RFX1: variants seen among roughly 807,000 people sequenced by gnomAD.
RFX1 encodes the protein MHC class II regulatory factor RFX1.
In RFX1, 42 loss-of-function variants were observed where a neutral mutation model predicts 119.6. The ratio of observed to expected loss-of-function variants is 0.35; its 90% CI spans 0.27 to 0.45. RFX1 has a LOEUF of 0.45. Ranked by LOEUF, RFX1 falls within the 20% of genes least tolerant of loss-of-function variation. The pLI is 1.00. For synonymous variants in RFX1, 628 were observed against 618.5 expected (o/e 1.02, Z -0.23); for missense variants, 1,118 against 1,368.1 (o/e 0.82, Z 2.88).
rs1487679736 is a variant in RFX1, at chr19:13,961,835, C to A, written c.*860G>T. ...TAAGGCCATGATGGTTGGAAAAAAA[C>A]CCAACAAGTTACCAACTCCGCTCGG... is the stretch of plus-strand genomic sequence containing the variant. On this transcript the variant is annotated 3_prime_UTR_variant, in exon 21 of 21. Coordinates refer to ENST00000254325, the MANE Select transcript of RFX1 (RefSeq NM_002918.5). 3 of 152,306 alleles carry A rather than the reference C, an allele frequency of 2.0e-5. No individual in the cohort carries two copies. The highest frequency in any genetic ancestry group is 4.4e-5 in the Non-Finnish European group (3 of 68,054). 9.4% of individuals were successfully genotyped at this position (152,306 alleles called of 1,614,324 possible).
intron 1 of RFX1, 60 bp from the exon 2 acceptor site, chr19:13,993,955 A>G: frequency 1.1e-6 from 1 of 952,290 alleles, no homozygotes; most frequent in Non-Finnish European, 1.6e-6. Flanking sequence ...AGAAGGAAAA[A>G]CAGGAATTAA....
intron 5 of RFX1, 106 bp downstream of exon 5, chr19:13,982,015 A>C: frequency 2.3e-6 from 1 of 439,838 alleles, no homozygotes; most frequent in African/African-American, 2.0e-5. Context: ...TGGAGGAGCA[A>C]GTGGGCTTGG....
chr19:13,980,814 C>A lies in RFX1; in HGVS notation c.622-125G>T. 1 of 595,344 alleles carries A rather than the reference C, an allele frequency of 1.7e-6. No homozygotes were observed. The highest frequency in any genetic ancestry group is 2.0e-5 in the South Asian group (1 of 49,106). The allele number at this position is 595,344 out of a possible 1,614,324, so 36.9% of individuals were successfully genotyped here. Reference sequence around the variant, plus strand: ...GGGCGGCAGTCTGTGGGGACCTATCCCAACCACCGAGGCTGGTAACTGACC... The same window carrying A: ...GGGCGGCAGTCTGTGGGGACCTATCACAACCACCGAGGCTGGTAACTGACC... On this transcript the variant is annotated intron_variant, in intron 5 of 20. Coordinates refer to ENST00000254325, the MANE Select transcript of RFX1 (RefSeq NM_002918.5). This position sits in a 1 kb window ranked among gnomAD's most constrained non-coding sequence, Gnocchi z 5.1.
chr19:13,998,485 CTG>C (rs926551704), intron 1 of RFX1, among the ~76,000 whole-genome samples: 1 of 149,842 alleles, frequency 6.7e-6, no homozygotes, highest in African/African-American at 2.5e-5. Flanking sequence ...GAGCAAGACT[CTG>C]TCTCAAGAAA....
intron 3 of RFX1, 53 bp downstream of exon 3, chr19:13,983,433 G>A: frequency 3.5e-6 from 5 of 1,412,726 alleles, no homozygotes; most frequent in Non-Finnish European, 4.9e-6. Context: ...GACGCAGCCT[G>A]CACTGCCCCC....
intron 2 of RFX1, among the ~76,000 whole-genome samples, chr19:13,991,917 C>G (rs912542173): frequency 1.3e-5 from 2 of 152,180 alleles, no homozygotes; most frequent in Non-Finnish European, 2.9e-5. Context: ...CTGCCTCGGC[C>G]TCCCAAAGTG....
At chr19:13,978,596 C>T (rs1974327920) in intron 7 of RFX1, among the ~76,000 whole-genome samples, 1 of 152,104 alleles carries the variant, frequency 6.6e-6, no homozygotes, top group South Asian at 2.1e-4. Context: ...GGGACCTGGA[C>T]GGGGCTTGGG....
chr19:13,995,706 C>A (rs1177962221), intron 1 of RFX1, among the ~76,000 whole-genome samples: 3 of 152,092 alleles, frequency 2.0e-5, no homozygotes, highest in African/African-American at 7.2e-5. Context: ...CAAAAATCAG[C>A]TGGGCATGGT....
At chr19:13,970,736 C>CT (rs1304756592) in intron 9 of RFX1, among the ~76,000 whole-genome samples, 1 of 142,286 alleles carries the variant, frequency 7.0e-6, no homozygotes, top group African/African-American at 2.6e-5. Flanking sequence ...AATCCCAGCA[C>CT]TTTGGGAGGC....
At chr19:14,002,422 T>G (rs1158151454) in intron 1 of RFX1, among the ~76,000 whole-genome samples, 1 of 150,740 alleles carries the variant, frequency 6.6e-6, no homozygotes, top group African/African-American at 2.4e-5. Flanking sequence ...GAGGTGGAGG[T>G]TGCGGTGAGC....
rs771810258 is a variant in RFX1, at chr19:13,963,051, A to G, written c.2725-12T>C. The G allele has an allele frequency of 5.1e-6, 8 of 1,577,280 alleles. No homozygotes were observed. Among genetic ancestry groups the G allele is most frequent in the South Asian group, 1.1e-5 (1 of 87,680 alleles). On this transcript the variant is annotated splice_polypyrimidine_tract_variant and intron_variant, in intron 19 of 20. Transcript: ENST00000254325. ...GCCAGATTGGCGAACTGGAGGAAGA[A>G]GAGAAGAAAATGGGTGAGGGTCCCG...
intron 2 of RFX1, among the ~76,000 whole-genome samples, chr19:13,991,447 A>G (rs963010933): frequency 6.6e-6 from 1 of 152,158 alleles, no homozygotes; most frequent in Non-Finnish European, 1.5e-5. Flanking sequence ...CTGTGTCTAC[A>G]CAGGCGGGGG....
Position 13,990,081 on chromosome 19 carries a change from G to A in RFX1, c.319+3444C>T, listed in dbSNP as rs73925704. Among the ~76,000 whole-genome samples the A allele has an allele frequency of 9.2e-4, 140 of 152,232 alleles. No homozygotes were observed. Among genetic ancestry groups the A allele is most frequent in the African/African-American group, 3.2e-3 (132 of 41,540 alleles). ...GGAGGGGCTGGATGTGGGGTCCTGC[G>A]GTTCAGGGTTGCAGCCCAGGCTGGA... is the stretch of plus-strand genomic sequence containing the variant. On this transcript the variant is annotated intron_variant, in intron 2 of 20. Transcript: ENST00000254325. This position sits in a 1 kb window ranked among gnomAD's most constrained non-coding sequence, Gnocchi z 4.1.
chr19:13,968,835 C>T lies in RFX1; in HGVS notation c.1556G>A (p.Arg519Gln), dbSNP rs763853027. 8.9e-5 allele frequency: 139 copies of T among 1,556,912 alleles called. No homozygotes were observed. The highest frequency in any genetic ancestry group is 1.1e-4 in the Non-Finnish European group (131 of 1,150,348). ...LRIKASSPLL[R>Q]LMEDQQHMAM... is the part of the protein sequence containing the mutation. ...CATGTGCTGCTGGTCCTCCATCAGC[C>T]GCAGCAGGGGTGAGCTGGCCTTGAT... The change falls in exon 11 of 21, where the codon CGG becomes CAG. Residue 519 changes from arginine (R) to glutamine (Q), a missense_variant. By Grantham distance (43) the Arg-to-Gln change is conservative. Transcript: ENST00000254325. The surrounding 1 kb of genome is among the most constrained non-coding windows in gnomAD (Gnocchi z 5.5).
chr19:14,000,467 C>T (rs1005786708), intron 1 of RFX1, among the ~76,000 whole-genome samples: 9 of 151,704 alleles, frequency 5.9e-5, no homozygotes, highest in African/African-American at 1.9e-4. Context: ...TACAAACACA[C>T]ACATACACAT....
chr19:13,968,994 T>G lies in RFX1; in HGVS notation c.1497-100A>C. ...ACCCGTCTCCTCTCTGTTAGGAGAA[T>G]GGATAGAGAGACGCCTGCCCTGCAG... On this transcript the variant is annotated intron_variant, in intron 10 of 20. Transcript: ENST00000254325. The surrounding 1 kb of genome is among the most constrained non-coding windows in gnomAD (Gnocchi z 5.5). 1.5e-6 allele frequency: 2 copies of G among 1,335,780 alleles called. No individual in the cohort carries two copies. Among genetic ancestry groups the G allele is most frequent in the Non-Finnish European group, 2.0e-6 (2 of 983,956 alleles). 82.7% of individuals were successfully genotyped at this position (1,335,780 alleles called of 1,614,324 possible). A position where few individuals can be genotyped will look rare whatever the true frequency, so the allele number is the denominator to read the frequency against.
rs74421564 is a variant in RFX1, at chr19:13,991,486, C to T, written c.319+2039G>A. Among the ~76,000 whole-genome samples, 1,108 of 152,240 alleles carry T rather than the reference C, an allele frequency of 7.3e-3. 15 individuals carry two copies. The highest frequency in any genetic ancestry group is 0.024 in the African/African-American group (1,009 of 41,532). ...ACTAAGTGTGGCGCTCATGCGGACA[C>T]CTCCACTCCGTCCATATAGTAAAGA... is the stretch of plus-strand genomic sequence containing the variant. On this transcript the variant is annotated intron_variant, in intron 2 of 20. Coordinates refer to ENST00000254325, the MANE Select transcript of RFX1 (RefSeq NM_002918.5).
rs532767570 is a variant in RFX1, at chr19:13,966,953, G to A, written c.1733-202C>T. On this transcript the variant is annotated intron_variant, in intron 12 of 20. Transcript: ENST00000254325. This position sits in a 1 kb window ranked among gnomAD's most constrained non-coding sequence, Gnocchi z 6.3. The stretch of plus-strand genomic sequence containing the variant: ...CTCCTCTGGCAGAGAGGACAGGAGG[G>A]TCTTGTGCCAGCCCTGCCTGTCTGC... Among the ~76,000 whole-genome samples the A allele has an allele frequency of 6.6e-6, 1 of 152,290 alleles. No individual in the cohort carries two copies. Among genetic ancestry groups the A allele is most frequent in the East Asian group, 1.9e-4 (1 of 5,182 alleles).
At chr19:13,988,024 C>CTTT (rs768766007) in intron 2 of RFX1, among the ~76,000 whole-genome samples, 9 of 134,462 alleles carry the variant, frequency 6.7e-5, no homozygotes, top group African/African-American at 8.5e-5. Flanking sequence ...ACTTCTTGCT[C>CTTT]TTTTTTTTTT....
Sources: gnomAD v4.1 joint callset for allele counts (sites outside exome capture counted in the v4.1 genomes callset) on GRCh38, gnomAD v4.1.1 for gene constraint, Gnocchi (gnomAD v3.1) non-coding constraint, MANE v1.5 for transcripts, NCBI Gene and HGNC (gene_info 2026-07-23, HGNC 2026-07-21) for gene names.